The following MREG variants were observed in gnomAD, a reference collection of about 807,000 sequenced individuals.
MREG encodes the protein dilute suppressor protein homolog.
A neutral mutation model predicts 28.5 loss-of-function variants in MREG; 31 were observed. The ratio of observed to expected loss-of-function variants is 1.09; its 90% CI spans 0.82 to 1.47. The LOEUF is 1.47. Among genes scored for constraint, MREG ranks in the 40% most tolerant of loss-of-function variants. The pLI, the probability that MREG is intolerant of heterozygous loss-of-function variation, is 0.00. For synonymous variants in MREG, 106 were observed against 95.2 expected (o/e 1.11, Z -0.66); for missense variants, 256 against 257.4 (o/e 0.99, Z 0.04).
chr2:215,981,935 A>G (rs1325710027), intron 2 of MREG, among the ~76,000 whole-genome samples: 1 of 152,198 alleles, frequency 6.6e-6, no homozygotes, highest in African/African-American at 2.4e-5. Flanking sequence ...AGAATTGCTA[A>G]TGATGCTGCT....
intron 1 of MREG, among the ~76,000 whole-genome samples, chr2:216,031,193 G>C (rs1245698046): frequency 6.6e-6 from 1 of 151,940 alleles, no homozygotes; most frequent in Admixed American, 6.6e-5. Flanking sequence ...GATCACCTGA[G>C]GTCAGGAGTT....
intron 2 of MREG, among the ~76,000 whole-genome samples, chr2:215,984,861 G>A (rs1278235608): frequency 2.6e-5 from 4 of 152,090 alleles, no homozygotes; most frequent in Admixed American, 6.5e-5. Flanking sequence ...AATCCCTTTC[G>A]TACTCATTGG....
chr2:215,982,513 T>C (rs866525203), intron 2 of MREG, among the ~76,000 whole-genome samples: 2 of 152,056 alleles, frequency 1.3e-5, no homozygotes, highest in Non-Finnish European at 2.9e-5. Context: ...AATGGTGCAA[T>C]AGCATCAGGG....
intron 1 of MREG, among the ~76,000 whole-genome samples, chr2:216,007,744 T>TTC (rs1435686886): frequency 6.6e-6 from 1 of 150,862 alleles, no homozygotes; most frequent in African/African-American, 2.4e-5. Flanking sequence ...CTTAGCGGCT[T>TTC]TTTTTTTGCA....
chr2:215,999,028 C>A (rs1693944687), intron 1 of MREG, among the ~76,000 whole-genome samples: 1 of 152,104 alleles, frequency 6.6e-6, no homozygotes, highest in Admixed American at 6.5e-5. Context: ...AGGCTTCCAC[C>A]AGGAAGAGAA....
intron 2 of MREG, among the ~76,000 whole-genome samples, chr2:215,989,279 T>C (rs1418920004): frequency 6.6e-6 from 1 of 151,918 alleles, no homozygotes; most frequent in Non-Finnish European, 1.5e-5. Flanking sequence ...TCCAGCAAAA[T>C]CCAGCAGACC....
intron 1 of MREG, among the ~76,000 whole-genome samples, chr2:216,012,308 G>A (rs1361589064): frequency 6.6e-6 from 1 of 152,190 alleles, no homozygotes; most frequent in East Asian, 1.9e-4. Context: ...GCAGGAAGGG[G>A]TTATGTAAGA....
upstream of MREG, among the ~76,000 whole-genome samples, chr2:216,015,123 G>GCGTGTGCGCGCA (rs1553556728): frequency 6.8e-6 from 1 of 147,524 alleles, no homozygotes; most frequent in African/African-American, 2.6e-5. Context: ...GTGCACGCGT[G>GCGTGTGCGCGCA]TGTGTGCGCG....
intron 2 of MREG, among the ~76,000 whole-genome samples, chr2:215,955,721 A>G (rs1692608178): frequency 6.6e-6 from 1 of 152,214 alleles, no homozygotes; most frequent in South Asian, 2.1e-4. Context: ...CTGCTTCTCC[A>G]GTTTAGTTTT....
chr2:216,007,447 T>TTTATTTA (rs1256580353), intron 1 of MREG, among the ~76,000 whole-genome samples: 2 of 105,692 alleles, frequency 1.9e-5, no homozygotes, highest in African/African-American at 6.9e-5. Flanking sequence ...TTATTTATTT[T>TTTATTTA]GAGATGGAGT....
At chr2:216,031,475 G>GACAA (rs373434476) in intron 1 of MREG, among the ~76,000 whole-genome samples, 1 of 132,818 alleles carries the variant, frequency 7.5e-6, no homozygotes, top group Admixed American at 8.1e-5. Flanking sequence ...AAGAAAGAAA[G>GACAA]AGAAAGAAAG....
At chr2:215,990,191 G>A (rs191070474) in intron 2 of MREG, among the ~76,000 whole-genome samples, 17 of 152,276 alleles carry the variant, frequency 1.1e-4, no homozygotes, top group East Asian at 1.9e-4. Flanking sequence ...GACTAACAGC[G>A]GATCTCTCTG....
At chr2:216,031,689 A>G (rs57027128) in intron 1 of MREG, among the ~76,000 whole-genome samples, 6,841 of 32,916 alleles carry the variant, frequency 0.21, 255 homozygotes, top group East Asian at 0.32. Context: ...GAAAGAAAGA[A>G]AGAGAAAGAA....
intron 2 of MREG, among the ~76,000 whole-genome samples, chr2:215,978,072 C>CA (rs1207277458): frequency 6.6e-6 from 1 of 152,016 alleles, no homozygotes; most frequent in Non-Finnish European, 1.5e-5. Context: ...AAAAACCCTT[C>CA]AAAAAATCAA....
chr2:215,943,469 C>A lies in MREG; in HGVS notation c.*1394G>T, dbSNP rs188697413. 1,633 of 456,698 alleles carry A rather than the reference C, an allele frequency of 3.6e-3. 51 individuals carry two copies. In the Admixed American group the frequency reaches 0.037, roughly 10 times the overall value. The allele number at this position is 456,698 out of a possible 1,614,324, so 28.3% of individuals were successfully genotyped here. On this transcript the variant is annotated 3_prime_UTR_variant, in exon 5 of 5. Transcript: ENST00000263268. ...CCCCACAGGTGCAGCTGCCAGCCAA[C>A]GAATCAGAAACAGATGAAAGAGGAG...
At chr2:216,009,289 T>C (rs182662613) in intron 1 of MREG, among the ~76,000 whole-genome samples, 1 of 152,128 alleles carries the variant, frequency 6.6e-6, no homozygotes, top group East Asian at 1.9e-4. Flanking sequence ...ACTTCAGCAC[T>C]ACACTTTGGG....
intron 2 of MREG, among the ~76,000 whole-genome samples, chr2:215,957,389 T>G (rs73988060): frequency 0.069 from 10,494 of 152,144 alleles, 1,072 homozygotes; most frequent in African/African-American, 0.23. Context: ...TCAGAGCCAG[T>G]GGCAGGACCC....
intron 4 of MREG, 22 bp from the exon 5 acceptor site, chr2:215,945,019 C>A (rs1243916693): frequency 6.5e-7 from 1 of 1,549,720 alleles, no homozygotes; most frequent in South Asian, 1.2e-5. Context: ...AACAACAAAC[C>A]AAAAAACTGC....
intron 2 of MREG, among the ~76,000 whole-genome samples, chr2:215,981,372 G>C (rs1236505461): frequency 6.6e-6 from 1 of 152,178 alleles, no homozygotes; most frequent in Non-Finnish European, 1.5e-5. Context: ...AATGAACTTT[G>C]GAAACATTAC....
Sources: gnomAD v4.1 joint callset for allele counts (sites outside exome capture counted in the v4.1 genomes callset) on GRCh38, gnomAD v4.1.1 for gene constraint, MANE v1.5 for transcripts, NCBI Gene and HGNC (gene_info 2026-07-23, HGNC 2026-07-21) for gene names.